Variants in KANK1 observed in about 807,000 individuals in gnomAD.
The protein encoded by KANK1 is KN motif and ankyrin repeat domain-containing protein 1.
A neutral mutation model predicts 106.2 loss-of-function variants in KANK1; 109 were observed. That is an observed-to-expected ratio of 1.03 (90% CI 0.88 to 1.20). KANK1 has a LOEUF of 1.20. Among genes scored for constraint, KANK1 ranks in the 50% most tolerant of loss-of-function variants. The probability of loss-of-function intolerance (pLI) is 0.00; values close to 1 mark genes in which losing one functional copy is unlikely to be tolerated. For synonymous variants in KANK1, 873 were observed against 652.2 expected (o/e 1.34, Z -5.16); for missense variants, 2,399 against 1,710.7 (o/e 1.40, Z -7.10).
intron 1 of KANK1, among the ~76,000 whole-genome samples, chr9:591,542 T>C (rs988697694): frequency 6.6e-6 from 1 of 151,858 alleles, no homozygotes; most frequent in African/African-American, 2.4e-5. Context: ...TGGTCTCTTC[T>C]CAGTCCAGGG....
At position 551,658 on chromosome 9, in the gene KANK1, G is replaced by C. The variant is rs148474198; in HGVS notation, c.-84+46904G>C. 4.5e-3 allele frequency among the ~76,000 whole-genome samples: 684 copies of C among 152,228 alleles called. 3 individuals carry two copies. The highest frequency in any genetic ancestry group is 0.016 in the African/African-American group (648 of 41,532). On this transcript the variant is annotated intron_variant, in intron 1 of 11. Coordinates refer to ENST00000382297, the MANE Select transcript of KANK1 (RefSeq NM_015158.5). The stretch of plus-strand genomic sequence containing the variant: ...GGTGCTAGAAATACAGCAGTGAACA[G>C]ACATGGTTCTTGCCTCCACACAGCT...
chr9:573,991 G>C (rs1297698893), intron 1 of KANK1, among the ~76,000 whole-genome samples: 1 of 152,208 alleles, frequency 6.6e-6, no homozygotes, highest in East Asian at 1.9e-4. Context: ...GGAGATTAAT[G>C]GGCTGTGCCC....
intron 1 of KANK1, among the ~76,000 whole-genome samples, chr9:631,643 C>A (rs1035035421): frequency 1.3e-4 from 20 of 152,220 alleles, no homozygotes; most frequent in African/African-American, 4.8e-4. Flanking sequence ...CTTCTGAGCT[C>A]AGGTGTCTTT....
At chr9:666,166 G>A (rs1005072636) in intron 1 of KANK1, among the ~76,000 whole-genome samples, 2 of 151,336 alleles carry the variant, frequency 1.3e-5, no homozygotes, top group African/African-American at 4.9e-5. Flanking sequence ...GGGTGACAGA[G>A]CAAAACCCTG....
At chr9:521,418 C>G (rs1273865774) in intron 1 of KANK1, among the ~76,000 whole-genome samples, 4 of 151,560 alleles carry the variant, frequency 2.6e-5, no homozygotes, top group African/African-American at 9.8e-5. Context: ...CAGCTGGTGT[C>G]AGACTGCTGC....
intron 1 of KANK1, among the ~76,000 whole-genome samples, chr9:523,671 A>G (rs1034447330): frequency 6.6e-6 from 1 of 151,474 alleles, no homozygotes; most frequent in African/African-American, 2.4e-5. Context: ...GGGCCTTTGC[A>G]CTGGCTCCTT....
chr9:625,562 CCTT>C lies in KANK1; in HGVS notation c.-83-51324_-83-51322del, dbSNP rs77855977. Among the ~76,000 whole-genome samples the C allele has an allele frequency of 1.4e-3, 209 of 152,032 alleles. 3 individuals carry two copies. In the East Asian group the frequency reaches 0.018, roughly 13 times the overall value. ...GTTAAAAGTTCTATATTTCTACAAA[CCTT>C]CTTGTGCGAGGAGTATCTGGAAAAA... On this transcript the variant is annotated intron_variant, in intron 1 of 11. Transcript: ENST00000382297.
chr9:608,025 A>ATTTTTTTTTTTTTTTTTT (rs200257324), intron 1 of KANK1, among the ~76,000 whole-genome samples: 2 of 78,166 alleles, frequency 2.6e-5, no homozygotes, highest in Non-Finnish European at 5.4e-5. Context: ...TATTATTATT[A>ATTTTTTTTTTTTTTTTTT]TTATTATTAT....
chr9:525,975 G>A (rs1210599345), intron 1 of KANK1, among the ~76,000 whole-genome samples: 1 of 151,752 alleles, frequency 6.6e-6, no homozygotes, highest in African/African-American at 2.4e-5. Flanking sequence ...GTTACCTGAA[G>A]CCATTGACAA....
At chr9:715,943 G>GC (rs1827571015) in intron 3 of KANK1, among the ~76,000 whole-genome samples, 1 of 152,166 alleles carries the variant, frequency 6.6e-6, no homozygotes, top group South Asian at 2.1e-4. Context: ...AATCCAGGTG[G>GC]CCCAGGGTGC....
chr9:473,752 T>G (rs550998658), intron 3 of KANK1, among the ~76,000 whole-genome samples: 87 of 152,016 alleles, frequency 5.7e-4, no homozygotes, highest in African/African-American at 2.1e-3. Flanking sequence ...CAGGGTGGAA[T>G]GCAGTGGCAC....
At chr9:739,032 T>C (rs987997853) in intron 8 of KANK1, among the ~76,000 whole-genome samples, 12 of 152,186 alleles carry the variant, frequency 7.9e-5, no homozygotes, top group African/African-American at 2.9e-4. Flanking sequence ...ATACTGTTAT[T>C]GGGGAAACAG....
chr9:499,135 A>G (rs1004731789), intron 3 of KANK1, among the ~76,000 whole-genome samples: 1 of 151,510 alleles, frequency 6.6e-6, no homozygotes, highest in East Asian at 1.9e-4. Context: ...CCGAGATCAC[A>G]CCACTGCACT....
rs1028365336 is a variant in KANK1, at chr9:705,021, C to G, written c.38-5783C>G. ...AAAAAAAAAAAAAAAAAAAAAAGAG[C>G]AATACCCACGTGTTGTAAAAATTAT... On this transcript the variant is annotated intron_variant, in intron 2 of 11. Coordinates refer to ENST00000382297, the MANE Select transcript of KANK1 (RefSeq NM_015158.5). 3.1e-5 allele frequency among the ~76,000 whole-genome samples: 4 copies of G among 130,700 alleles called. No individual in the cohort carries two copies. The Admixed American group carries it at 3.1e-4, about 10-fold the overall frequency. The allele number at this position is 130,700 out of a possible 152,430, so 85.7% of individuals were successfully genotyped here. A position where few individuals can be genotyped will look rare whatever the true frequency, so the allele number is the denominator to read the frequency against.
chr9:523,865 A>G (rs1053569659), intron 1 of KANK1, among the ~76,000 whole-genome samples: 6 of 150,750 alleles, frequency 4.0e-5, no homozygotes, highest in African/African-American at 1.5e-4. Flanking sequence ...TATGGAATTT[A>G]CCTATTATAT....
chr9:552,236 G>T (rs1011633327), intron 1 of KANK1, among the ~76,000 whole-genome samples: 1 of 152,162 alleles, frequency 6.6e-6, no homozygotes, highest in Non-Finnish European at 1.5e-5. Context: ...GGTAGAAAGG[G>T]AGCTCTGGCC....
intron 1 of KANK1, among the ~76,000 whole-genome samples, chr9:573,536 C>CT (rs1261586194): frequency 2.0e-5 from 3 of 152,072 alleles, no homozygotes; most frequent in African/African-American, 7.2e-5. Flanking sequence ...TCCCAAAGTG[C>CT]TGGGATTACA....
intron 2 of KANK1, chr9:677,614 A>T (rs1816662917): frequency 6.6e-6 from 1 of 152,222 alleles, no homozygotes; most frequent in Admixed American, 6.5e-5. Flanking sequence ...TGCAGAGAAG[A>T]TCCTCCTAAG....
intron 8 of KANK1, 94 bp from the exon 9 acceptor site, chr9:740,698 G>C: frequency 7.5e-7 from 1 of 1,327,800 alleles, no homozygotes; most frequent in South Asian, 1.4e-5. Context: ...ATTTCACTGG[G>C]CTCCTGTAAA....
Sources: gnomAD v4.1 joint callset for allele counts (sites outside exome capture counted in the v4.1 genomes callset) on GRCh38, gnomAD v4.1.1 for gene constraint, MANE v1.5 for transcripts, NCBI Gene and HGNC (gene_info 2026-07-23, HGNC 2026-07-21) for gene names.